Variants in CTNNA3 observed in about 807,000 individuals in gnomAD.
The protein encoded by CTNNA3 is catenin alpha 3, also known as catenin alpha-3.
CTNNA3 carries 76 observed loss-of-function variants against 95.7 expected under a neutral mutation model. The ratio of observed to expected loss-of-function variants is 0.79; its 90% CI spans 0.66 to 0.96. CTNNA3 has a LOEUF of 0.96. Among genes scored for constraint, CTNNA3 ranks in the 40% least tolerant of loss-of-function variants. CTNNA3 has a pLI of 0.00. For missense variants in CTNNA3, 1,191 were observed against 1,089.8 expected (o/e 1.09, Z -1.31); for synonymous variants, 431 against 374.4 (o/e 1.15, Z -1.74).
intron 14 of CTNNA3, among the ~76,000 whole-genome samples, chr10:66,088,334 T>A (rs879270911): frequency 1.3e-5 from 2 of 152,086 alleles, no homozygotes; most frequent in African/African-American, 2.4e-5. Flanking sequence ...TTGTTCCTTA[T>A]TTTTTAACAT....
intron 9 of CTNNA3, among the ~76,000 whole-genome samples, chr10:66,695,135 T>G (rs1248669034): frequency 6.6e-6 from 1 of 152,184 alleles, no homozygotes; most frequent in African/African-American, 2.4e-5. Flanking sequence ...CCAGAGATAT[T>G]TCAAGGGATT....
intron 10 of CTNNA3, among the ~76,000 whole-genome samples, chr10:66,565,864 A>T (rs1469911881): frequency 6.6e-6 from 1 of 152,176 alleles, no homozygotes; most frequent in Non-Finnish European, 1.5e-5. Flanking sequence ...TTAGGAGAAA[A>T]GGAGATCTAT....
At chr10:66,396,342 A>T (rs949347762) in intron 11 of CTNNA3, among the ~76,000 whole-genome samples, 1 of 152,034 alleles carries the variant, frequency 6.6e-6, no homozygotes, top group Non-Finnish European at 1.5e-5. Context: ...AACCAGTTTT[A>T]TCCTAATACA....
At chr10:67,714,500 G>A (rs767267059) in intron 1 of CTNNA3, among the ~76,000 whole-genome samples, 14 of 152,156 alleles carry the variant, frequency 9.2e-5, no homozygotes, top group South Asian at 2.1e-4. Context: ...ATGCCTGTAC[G>A]CCCATTGTAG....
chr10:66,738,865 TA>T (rs1380385967), intron 9 of CTNNA3, among the ~76,000 whole-genome samples: 1 of 152,222 alleles, frequency 6.6e-6, no homozygotes, highest in Non-Finnish European at 1.5e-5. Context: ...TTTCCCGCAC[TA>T]CTGGTATTTT....
intron 9 of CTNNA3, among the ~76,000 whole-genome samples, chr10:66,699,829 G>A (rs963807298): frequency 6.6e-6 from 1 of 151,780 alleles, no homozygotes; most frequent in Non-Finnish European, 1.5e-5. Flanking sequence ...GGCTAATTTT[G>A]TATTTTTAGT....
intron 7 of CTNNA3, among the ~76,000 whole-genome samples, chr10:67,019,114 G>A (rs1042681180): frequency 2.6e-5 from 4 of 152,190 alleles, no homozygotes; most frequent in Non-Finnish European, 5.9e-5. Context: ...TTCAAATATG[G>A]TAGGATGATA....
At chr10:67,708,328 C>T (rs907939728) in intron 1 of CTNNA3, among the ~76,000 whole-genome samples, 1 of 152,132 alleles carries the variant, frequency 6.6e-6, no homozygotes, top group African/African-American at 2.4e-5. Flanking sequence ...CAGCCCACAC[C>T]TTTCAGGTGA....
chr10:66,986,936 G>C (rs1033108029), intron 7 of CTNNA3, among the ~76,000 whole-genome samples: 2 of 152,070 alleles, frequency 1.3e-5, no homozygotes, highest in Non-Finnish European at 2.9e-5. Flanking sequence ...GTTTATATTT[G>C]AATAAGGAGT....
intron 7 of CTNNA3, among the ~76,000 whole-genome samples, chr10:66,944,801 A>T (rs1166045648): frequency 6.6e-6 from 1 of 152,204 alleles, no homozygotes; most frequent in African/African-American, 2.4e-5. Flanking sequence ...AGCAGGCATG[A>T]AAACAACATT....
intron 10 of CTNNA3, among the ~76,000 whole-genome samples, chr10:66,526,825 C>T (rs1841284203): frequency 6.6e-6 from 1 of 152,092 alleles, no homozygotes; most frequent in Non-Finnish European, 1.5e-5. Context: ...GAGTCCTTTA[C>T]ATATTCTGGT....
At chr10:67,598,894 T>C (rs573601532) in intron 3 of CTNNA3, among the ~76,000 whole-genome samples, 1 of 152,092 alleles carries the variant, frequency 6.6e-6, no homozygotes, top group East Asian at 1.9e-4. Flanking sequence ...TACACATGAA[T>C]TTTTCTAAAA....
intron 10 of CTNNA3, among the ~76,000 whole-genome samples, chr10:66,577,933 C>T (rs1843058144): frequency 6.6e-6 from 1 of 151,884 alleles, no homozygotes; most frequent in Admixed American, 6.6e-5. Context: ...TTTAACAATT[C>T]TGATTCTTCC....
At chr10:67,372,083 T>C (rs1843488407) in intron 5 of CTNNA3, among the ~76,000 whole-genome samples, 1 of 152,156 alleles carries the variant, frequency 6.6e-6, no homozygotes, top group African/African-American at 2.4e-5. Context: ...TTGTTTTTTT[T>C]TTCTTGTAAA....
intron 7 of CTNNA3, among the ~76,000 whole-genome samples, chr10:66,777,779 A>ACATG (rs1362775592): frequency 8.1e-6 from 1 of 123,780 alleles, no homozygotes; most frequent in African/African-American, 2.8e-5. Context: ...ACACACACAC[A>ACATG]CACACACACA....
intron 5 of CTNNA3, 35 bp downstream of exon 5, chr10:67,521,807 T>C (rs528726860): frequency 6.2e-7 from 1 of 1,602,728 alleles, no homozygotes; most frequent in Admixed American, 1.7e-5. Flanking sequence ...CCTAAAGTGT[T>C]CATCTCCTCC....
intron 13 of CTNNA3, among the ~76,000 whole-genome samples, chr10:66,127,271 CAAAA>C (rs35884096): frequency 2.7e-5 from 2 of 74,150 alleles, no homozygotes; most frequent in African/African-American, 5.1e-5. Context: ...GACTCTGTCT[CAAAA>C]AAAAAAAAAA....
intron 11 of CTNNA3, among the ~76,000 whole-genome samples, chr10:66,488,488 T>C (rs1018090076): frequency 1.3e-5 from 2 of 152,132 alleles, no homozygotes; most frequent in African/African-American, 4.8e-5. Context: ...TAATTGTAAA[T>C]GCCTTTGGTG....
chr10:67,338,402 G>C (rs116628509), intron 5 of CTNNA3, among the ~76,000 whole-genome samples: 1 of 152,076 alleles, frequency 6.6e-6, no homozygotes, highest in Non-Finnish European at 1.5e-5. Flanking sequence ...GAGGGACCGA[G>C]GGACCTGCCC....
Sources: gnomAD v4.1 joint callset for allele counts (sites outside exome capture counted in the v4.1 genomes callset) on GRCh38, gnomAD v4.1.1 for gene constraint, MANE v1.5 for transcripts, NCBI Gene and HGNC (gene_info 2026-07-23, HGNC 2026-07-21) for gene names.